Variants in GAREM1 observed in about 807,000 individuals in gnomAD.
The protein encoded by GAREM1 is GRB2 associated regulator of MAPK1 subtype 1.
In GAREM1, 26 loss-of-function variants were observed where a neutral mutation model predicts 71.3. That is an observed-to-expected ratio of 0.36 (90% CI 0.27 to 0.51). The LOEUF is 0.51. GAREM1 is among the 20% of genes least tolerant of loss of function. The pLI, the probability that GAREM1 is intolerant of heterozygous loss-of-function variation, is 0.95. For synonymous variants in GAREM1, 440 were observed against 433.2 expected, an observed-to-expected ratio of 1.02 and a Z score of -0.20; for missense variants, 1,026 against 1,103.1, an observed-to-expected ratio of 0.93 and a Z score of 0.99.
At chr18:32,370,192 G>A (rs557396427) in intron 2 of GAREM1, among the ~76,000 whole-genome samples, 2 of 151,990 alleles carry the variant, frequency 1.3e-5, no homozygotes, top group Non-Finnish European at 2.9e-5. Context: ...CAGCACTTTG[G>A]GGGGCCGAGG....
At chr18:32,292,543 C>T (rs190541952) in intron 3 of GAREM1, among the ~76,000 whole-genome samples, 59 of 152,222 alleles carry the variant, frequency 3.9e-4, no homozygotes, top group African/African-American at 1.3e-3. Flanking sequence ...TTGTCAAGGA[C>T]GGGACCAGGT....
chr18:32,279,554 G>A (rs1356378266), intron 4 of GAREM1, among the ~76,000 whole-genome samples: 4 of 152,098 alleles, frequency 2.6e-5, no homozygotes, highest in Non-Finnish European at 4.4e-5. Context: ...CCCCAGATAG[G>A]ACCATCCAGT....
chr18:32,270,549 G>A (rs577539148), intron 4 of GAREM1, among the ~76,000 whole-genome samples, 166 bp from the exon 5 acceptor site: 2 of 152,304 alleles, frequency 1.3e-5, no homozygotes, highest in Admixed American at 6.5e-5. Flanking sequence ...AAGCACAGAG[G>A]CTGCCAGAGA....
chr18:32,274,959 A>C (rs2041518378), intron 4 of GAREM1, among the ~76,000 whole-genome samples: 1 of 117,584 alleles, frequency 8.5e-6, no homozygotes, highest in Non-Finnish European at 1.8e-5. Context: ...CAAAAAATAC[A>C]AAAAAAAAAA....
Position 32,346,894 on chromosome 18 carries a change from A to G in GAREM1, c.263-36571T>C, listed in dbSNP as rs2047702324. ...GAAAAGAACTTCCTACAAAAGGGAA[A>G]GAGGCCGGTCACCAGGGCTGAAGAG... On this transcript the variant is annotated intron_variant, in intron 2 of 5. Coordinates refer to ENST00000269209, the MANE Select transcript of GAREM1 (RefSeq NM_001242409.2). 1.3e-5 allele frequency among the ~76,000 whole-genome samples: 2 copies of G among 152,216 alleles called. 1 individual carries two copies. The highest frequency in any genetic ancestry group is 4.1e-4 in the South Asian group (2 of 4,830).
At chr18:32,382,729 A>G (rs1017064283) in intron 2 of GAREM1, among the ~76,000 whole-genome samples, 1 of 152,198 alleles carries the variant, frequency 6.6e-6, no homozygotes, top group South Asian at 2.1e-4. Flanking sequence ...CTTTAGAGCA[A>G]GGGAGACACA....
intron 4 of GAREM1, among the ~76,000 whole-genome samples, chr18:32,279,448 CAT>C (rs1003354004): frequency 6.6e-6 from 1 of 152,160 alleles, no homozygotes. Context: ...GTGAACTGCA[CAT>C]GTGAGGGATC....
chr18:32,360,434 T>C (rs956045813), intron 2 of GAREM1, among the ~76,000 whole-genome samples: 1 of 152,108 alleles, frequency 6.6e-6, no homozygotes, highest in Non-Finnish European at 1.5e-5. Context: ...AAAATTCAGA[T>C]GGAAGTTTCA....
chr18:32,412,845 C>T lies in GAREM1; in HGVS notation c.122-19810G>A, dbSNP rs369885011. The T allele has an allele frequency of 7.1e-4, 507 of 717,708 alleles. 4 individuals are homozygous for T. In the East Asian group the frequency reaches 0.01, roughly 15 times the overall value. The allele number at this position is 717,708 out of a possible 1,614,324, so 44.5% of individuals were successfully genotyped here. A position where few individuals can be genotyped will look rare whatever the true frequency, so the allele number is the denominator to read the frequency against. ...ATGTTCTTCAGTGTCTTCTTTAATG[C>T]CACCAACAAATATCTTTTTCACAGT... On this transcript the variant is annotated intron_variant, in intron 1 of 5. Transcript: ENST00000269209.
intron 2 of GAREM1, among the ~76,000 whole-genome samples, chr18:32,339,493 T>A (rs2047628465): frequency 6.6e-6 from 1 of 152,206 alleles, no homozygotes; most frequent in African/African-American, 2.4e-5. Flanking sequence ...CCTTATAGAC[T>A]GAAATTTTCT....
chr18:32,360,231 A>AAT (rs1013181692), intron 2 of GAREM1, among the ~76,000 whole-genome samples: 26 of 151,438 alleles, frequency 1.7e-4, no homozygotes, highest in East Asian at 5.8e-4. Context: ...CTGTTTAAAA[A>AAT]ATATATATAT....
At chr18:32,389,578 A>G (rs1342889570) in intron 2 of GAREM1, among the ~76,000 whole-genome samples, 2 of 152,160 alleles carry the variant, frequency 1.3e-5, no homozygotes, top group Non-Finnish European at 2.9e-5. Context: ...TCTGTTAAAC[A>G]TTTTAAATTA....
intron 3 of GAREM1, among the ~76,000 whole-genome samples, chr18:32,303,065 C>CA (rs1252417118): frequency 6.6e-6 from 1 of 152,210 alleles, no homozygotes; most frequent in Admixed American, 6.5e-5. Context: ...CTGTATGCCA[C>CA]ATCTGAATGA....
chr18:32,310,769 A>ATT (rs5823839), intron 2 of GAREM1, among the ~76,000 whole-genome samples: 1 of 148,248 alleles, frequency 6.7e-6, no homozygotes, highest in South Asian at 2.1e-4. Flanking sequence ...TTAGTATTAA[A>ATT]TTTTTTTTTT....
chr18:32,296,825 G>C (rs1448970352), intron 3 of GAREM1, among the ~76,000 whole-genome samples: 1 of 151,886 alleles, frequency 6.6e-6, no homozygotes, highest in Non-Finnish European at 1.5e-5. Context: ...AGAGGAACAG[G>C]CTGCTCTGTC....
intron 2 of GAREM1, among the ~76,000 whole-genome samples, chr18:32,333,813 C>T (rs2047561283): frequency 6.6e-6 from 1 of 152,122 alleles, no homozygotes; most frequent in Admixed American, 6.6e-5. Context: ...TTGGAAATAA[C>T]CTCTAGGTGC....
chr18:32,294,981 T>C (rs1205629739), intron 3 of GAREM1, among the ~76,000 whole-genome samples: 1 of 152,218 alleles, frequency 6.6e-6, no homozygotes, highest in African/African-American at 2.4e-5. Context: ...TAAAAGTTTC[T>C]ACAAATAAAA....
At chr18:32,306,828 T>C (rs1008782944) in intron 3 of GAREM1, among the ~76,000 whole-genome samples, 2 of 152,208 alleles carry the variant, frequency 1.3e-5, no homozygotes, top group African/African-American at 4.8e-5. Flanking sequence ...CCCCAGTGCC[T>C]GCAGTAGTGC....
chr18:32,443,225 T>G (rs1303236052), intron 1 of GAREM1, among the ~76,000 whole-genome samples: 3 of 152,182 alleles, frequency 2.0e-5, no homozygotes, highest in Admixed American at 1.3e-4. Context: ...TTTGTGACCT[T>G]GGATTTGGCA....
Sources: allele counts gnomAD v4.1 joint callset (sites outside exome capture counted in the v4.1 genomes callset), GRCh38; gene constraint gnomAD v4.1.1; transcripts MANE v1.5; gene names NCBI Gene and HGNC (gene_info 2026-07-23, HGNC 2026-07-21).